FXN: variants seen among roughly 807,000 people sequenced by gnomAD.
The protein encoded by FXN is frataxin, mitochondrial.
Under a neutral mutation model 22.4 loss-of-function variants are expected in FXN, and 14 were observed. The ratio of observed to expected loss-of-function variants is 0.62; its 90% CI spans 0.41 to 0.98. The LOEUF (loss-of-function observed/expected upper bound fraction) is 0.98, where lower values mean the gene tolerates loss of function less well. FXN is among the 50% of genes least tolerant of loss of function. FXN has a pLI of 0.00. For missense variants in FXN, 267 were observed against 268.4 expected, an observed-to-expected ratio of 0.99 and a Z score of 0.04; for synonymous variants, 120 against 114.1, an observed-to-expected ratio of 1.05 and a Z score of -0.33.
chr9:69,065,132 G>C, intron 4 of FXN, 97 bp downstream of exon 4: 1 of 908,792 alleles, frequency 1.1e-6, no homozygotes, highest in Non-Finnish European at 1.8e-6. Flanking sequence ...TGAGCACAGT[G>C]GCTGACACCT....
chr9:69,070,387 TC>T (rs1832252173), intron 4 of FXN, among the ~76,000 whole-genome samples: 1 of 152,194 alleles, frequency 6.6e-6, no homozygotes, highest in African/African-American at 2.4e-5. Flanking sequence ...GGCCTGTGGC[TC>T]CTGGCGCCCC....
chr9:69,077,683 A>G lies in FXN; in HGVS notation c.*4921A>G. The G allele has an allele frequency of 1.0e-6, 1 of 976,506 alleles. No homozygotes were observed. Among genetic ancestry groups the G allele is most frequent in the Non-Finnish European group, 1.2e-6 (1 of 821,870 alleles). 60.5% of individuals were successfully genotyped at this position (976,506 alleles called of 1,614,324 possible). ...GGTGGCTCACACCTGTAATCCCAGC[A>G]CTTTGAGAGGCTGAGGCAGGTGGAT... On this transcript the variant is annotated 3_prime_UTR_variant, in exon 5 of 5. Coordinates refer to ENST00000484259, the MANE Select transcript of FXN (RefSeq NM_000144.5).
intron 4 of FXN, among the ~76,000 whole-genome samples, chr9:69,070,802 GTTTT>G (rs58208957): frequency 6.1e-5 from 9 of 146,454 alleles, no homozygotes; most frequent in Non-Finnish European, 1.2e-4. Context: ...TTTTTGTTTT[GTTTT>G]TTTTTTCTTA....
intron 1 of FXN, among the ~76,000 whole-genome samples, chr9:69,041,637 G>A (rs1027917986): frequency 6.6e-6 from 1 of 152,186 alleles, no homozygotes; most frequent in African/African-American, 2.4e-5. Context: ...CAAGTGCTGT[G>A]GTTTGACAGG....
At chr9:69,049,941 T>C (rs1831821676) in intron 2 of FXN, among the ~76,000 whole-genome samples, 4 of 152,204 alleles carry the variant, frequency 2.6e-5, no homozygotes, top group African/African-American at 9.6e-5. Context: ...TTGTAAAAAT[T>C]GAACAGTCCT....
chr9:69,041,706 G>A (rs1161711455), intron 1 of FXN, among the ~76,000 whole-genome samples: 1 of 152,212 alleles, frequency 6.6e-6, no homozygotes, highest in East Asian at 1.9e-4. Flanking sequence ...TGGCCATCCA[G>A]GCCAGTCCTT....
At chr9:69,048,380 A>C (rs1342701684) in intron 2 of FXN, among the ~76,000 whole-genome samples, 1 of 152,094 alleles carries the variant, frequency 6.6e-6, no homozygotes, top group Non-Finnish European at 1.5e-5. Flanking sequence ...CGAGGTGAGC[A>C]GATCACTGAG....
At chr9:69,063,402 T>C (rs1452204213) in intron 3 of FXN, among the ~76,000 whole-genome samples, 1 of 152,118 alleles carries the variant, frequency 6.6e-6, no homozygotes, top group Non-Finnish European at 1.5e-5. Flanking sequence ...ACTGGAATAA[T>C]GAATCCTACC....
At chr9:69,036,458 G>T (rs1460276325) in intron 1 of FXN, among the ~76,000 whole-genome samples, 2 of 152,238 alleles carry the variant, frequency 1.3e-5, no homozygotes, top group Non-Finnish European at 2.9e-5. Flanking sequence ...TGAACGAAAT[G>T]CTTTCCTGGA....
At chr9:69,049,880 A>G (rs1831820673) in intron 2 of FXN, among the ~76,000 whole-genome samples, 2 of 152,306 alleles carry the variant, frequency 1.3e-5, no homozygotes, top group Non-Finnish European at 2.9e-5. Context: ...AATTTGAAAA[A>G]TAGTATCTAT....
chr9:69,036,174 C>T, intron 1 of FXN: 1 of 302,194 alleles, frequency 3.3e-6, no homozygotes, highest in Non-Finnish European at 5.8e-6. Flanking sequence ...GAAAAGGGGA[C>T]ATTTTGTCCT....
chr9:69,039,301 C>A (rs2133092905), intron 1 of FXN, among the ~76,000 whole-genome samples: 1 of 152,030 alleles, frequency 6.6e-6, no homozygotes, highest in Non-Finnish European at 1.5e-5. Flanking sequence ...TTTATTATCA[C>A]CTCAAATAAT....
chr9:69,036,053 C>G (rs1371248092), intron 1 of FXN, 106 bp downstream of exon 1: 1 of 1,015,768 alleles, frequency 9.8e-7, no homozygotes, highest in Non-Finnish European at 1.2e-6. Flanking sequence ...CGGGTACGCG[C>G]GCTGGACTAG....
intron 4 of FXN, among the ~76,000 whole-genome samples, chr9:69,066,683 T>G (rs183805920): frequency 1.4e-4 from 21 of 152,196 alleles, no homozygotes; most frequent in Admixed American, 7.9e-4. Context: ...AGTGGCTTTG[T>G]AGATATCGGG....
chr9:69,041,511 A>G (rs1337329000), intron 1 of FXN, among the ~76,000 whole-genome samples: 1 of 152,136 alleles, frequency 6.6e-6, no homozygotes, highest in Non-Finnish European at 1.5e-5. Context: ...TTTCAGGTGA[A>G]TTTCTCAGAA....
At chr9:69,069,247 C>T (rs1314685290) in intron 4 of FXN, among the ~76,000 whole-genome samples, 1 of 152,148 alleles carries the variant, frequency 6.6e-6, no homozygotes, top group Admixed American at 6.5e-5. Flanking sequence ...CACCTGTAAT[C>T]CCAGCTGCTT....
At chr9:69,037,196 G>A (rs1266926188) in intron 1 of FXN, among the ~76,000 whole-genome samples, 1 of 150,612 alleles carries the variant, frequency 6.6e-6, no homozygotes, top group Non-Finnish European at 1.5e-5. Flanking sequence ...GGCCTAGGAA[G>A]GTGGATCACC....
intron 1 of FXN, 89 bp downstream of exon 1, chr9:69,036,036 G>C (rs1004927007): frequency 7.9e-6 from 9 of 1,139,788 alleles, no homozygotes; most frequent in Non-Finnish European, 7.7e-6. Context: ...GCACGCCGGG[G>C]TCGCTCCGGG....
chr9:69,046,076 G>A (rs998797962), intron 1 of FXN, among the ~76,000 whole-genome samples: 4 of 152,204 alleles, frequency 2.6e-5, no homozygotes, highest in Non-Finnish European at 5.9e-5. Flanking sequence ...CTGTCATGTG[G>A]AGAGATCTGT....
Sources: allele counts gnomAD v4.1 joint callset (sites outside exome capture counted in the v4.1 genomes callset), GRCh38; gene constraint gnomAD v4.1.1; transcripts MANE v1.5; gene names NCBI Gene and HGNC (gene_info 2026-07-23, HGNC 2026-07-21).